SSPN: variants seen among roughly 807,000 people sequenced by gnomAD.
The protein encoded by SSPN is K-ras oncogene-associated protein.
Under a neutral mutation model 19.1 loss-of-function variants are expected in SSPN, and 15 were observed. The ratio of observed to expected loss-of-function variants is 0.78; its 90% confidence interval spans 0.52 to 1.21. The LOEUF is 1.21. Ranked by LOEUF, SSPN falls within the 50% of genes most tolerant of loss-of-function variation. The probability of loss-of-function intolerance (pLI) is 0.00; values close to 1 mark genes in which losing one functional copy is unlikely to be tolerated. For missense variants in SSPN, 291 were observed against 314.0 expected, an observed-to-expected ratio of 0.93 and a Z score of 0.55; for synonymous variants, 147 against 140.3, an observed-to-expected ratio of 1.05 and a Z score of -0.34.
intron 1 of SSPN, among the ~76,000 whole-genome samples, chr12:26,198,077 C>T (rs1165600651): frequency 6.7e-6 from 1 of 148,834 alleles, no homozygotes; most frequent in Non-Finnish European, 1.5e-5. Flanking sequence ...GAAAAGATAA[C>T]GAGGCAGATG....
At chr12:26,199,841 A>C (rs190567958) in intron 1 of SSPN, among the ~76,000 whole-genome samples, 1 of 152,214 alleles carries the variant, frequency 6.6e-6, no homozygotes, top group Non-Finnish European at 1.5e-5. Context: ...TGAATCAACT[A>C]CCTGGAGGAG....
intron 1 of SSPN, chr12:26,123,705 A>G: frequency 6.2e-7 from 1 of 1,614,078 alleles, no homozygotes; most frequent in Non-Finnish European, 8.5e-7. Context: ...TTCAAAGTTA[A>G]TTCCAAGACT....
intron 1 of SSPN, chr12:26,122,876 G>C (rs371836958): frequency 2.6e-6 from 4 of 1,556,882 alleles, no homozygotes; most frequent in African/African-American, 1.4e-5. Context: ...AGTAGGCGAG[G>C]GGCTCCAGCT....
At chr12:26,122,779 C>T in intron 1 of SSPN, 1 of 1,586,286 alleles carries the variant, frequency 6.3e-7, no homozygotes, top group Non-Finnish European at 8.5e-7. Flanking sequence ...CGGGCCTCGG[C>T]TTCGCCGCCG....
intron 1 of SSPN, among the ~76,000 whole-genome samples, chr12:26,158,235 T>G (rs1198025110): frequency 6.6e-6 from 1 of 152,196 alleles, no homozygotes; most frequent in African/African-American, 2.4e-5. Flanking sequence ...TCCTTCCTTC[T>G]TTCTTTCTTT....
rs140638490 is a variant in SSPN, at chr12:26,196,029, C to T, written c.279+78C>T. ...GTCGCATGGTCGAGTTGAGACTAAC[C>T]CAGCTGCATGTGCCCTTCCCCGGGT... On this transcript the variant is annotated intron_variant, in intron 1 of 2. Transcript: ENST00000242729. 3.3e-5 allele frequency: 39 copies of T among 1,192,572 alleles called. No homozygotes were observed. The East Asian group carries it at 6.6e-4, about 20-fold the overall frequency. 73.9% of individuals were successfully genotyped at this position (1,192,572 alleles called of 1,614,324 possible). A position where few individuals can be genotyped will look rare whatever the true frequency, so the allele number is the denominator to read the frequency against.
chr12:26,155,982 A>G (rs530295859), intron 1 of SSPN, among the ~76,000 whole-genome samples: 1 of 152,342 alleles, frequency 6.6e-6, no homozygotes, highest in African/African-American at 2.4e-5. Context: ...AGGGCTGAGA[A>G]AAGATGATGA....
chr12:26,153,355 T>C (rs1049788731), intron 1 of SSPN, among the ~76,000 whole-genome samples: 1 of 152,198 alleles, frequency 6.6e-6, no homozygotes, highest in Non-Finnish European at 1.5e-5. Context: ...GAAGTATTAT[T>C]ATAATCTTCA....
At chr12:26,212,605 A>T (rs1210871917) in intron 1 of SSPN, among the ~76,000 whole-genome samples, 1 of 152,034 alleles carries the variant, frequency 6.6e-6, no homozygotes, top group African/African-American at 2.4e-5. Context: ...CATAAATAGG[A>T]TTTCTACACT....
chr12:26,137,437 C>T (rs1219113776), intron 1 of SSPN, among the ~76,000 whole-genome samples: 2 of 151,790 alleles, frequency 1.3e-5, no homozygotes, highest in East Asian at 1.9e-4. Context: ...TTAAGCTTTA[C>T]GAATACCTGT....
intron 1 of SSPN, among the ~76,000 whole-genome samples, chr12:26,201,599 CT>C (rs563999865): frequency 1.1e-4 from 16 of 148,954 alleles, no homozygotes; most frequent in African/African-American, 4.1e-4. Context: ...CCTAAATCTT[CT>C]TTTTTAAAAA....
chr12:26,174,507 T>TCCTTCCCTTC (rs1555177717), intron 1 of SSPN, among the ~76,000 whole-genome samples: 15 of 116,822 alleles, frequency 1.3e-4, no homozygotes, highest in African/African-American at 4.9e-4. Context: ...TTCCTTCCCT[T>TCCTTCCCTTC]CCTTCCTTCC....
chr12:26,131,629 A>G lies in SSPN; in HGVS notation c.-31+9477A>G, dbSNP rs149592559. Among the ~76,000 whole-genome samples, 19 of 152,362 alleles carry G rather than the reference A, an allele frequency of 1.2e-4. 1 individual carries two copies. The East Asian group carries it at 3.7e-3, about 29-fold the overall frequency. On this transcript the variant is annotated intron_variant, in intron 1 of 2. Coordinates refer to the SSPN transcript ENST00000538142. ...GGTTCTGGAATAAATGAGGGAGGAA[A>G]GAAGAGGTAAGTGAGTGCAGTGCAA...
chr12:26,138,904 A>G (rs1372008033), intron 1 of SSPN, among the ~76,000 whole-genome samples: 1 of 152,200 alleles, frequency 6.6e-6, no homozygotes, highest in Admixed American at 6.5e-5. Context: ...AACAGTGATC[A>G]TGAATTTGCT....
chr12:26,174,811 G>A (rs942747549), intron 1 of SSPN, among the ~76,000 whole-genome samples: 5 of 152,090 alleles, frequency 3.3e-5, no homozygotes, highest in African/African-American at 7.2e-5. Context: ...GTGAGCCACC[G>A]TGCCCGGCCT....
intron 1 of SSPN, among the ~76,000 whole-genome samples, chr12:26,209,922 A>G (rs1944967328): frequency 6.6e-6 from 1 of 151,788 alleles, no homozygotes. Flanking sequence ...ATCTTCCAAG[A>G]GGCTTTATGT....
At chr12:26,157,897 C>T (rs1287148407) in intron 1 of SSPN, among the ~76,000 whole-genome samples, 1 of 152,104 alleles carries the variant, frequency 6.6e-6, no homozygotes, top group East Asian at 1.9e-4. Flanking sequence ...CTCCTTTTAA[C>T]ATTTTATTTA....
At chr12:26,135,488 G>A (rs1180511350) in intron 1 of SSPN, among the ~76,000 whole-genome samples, 1 of 152,130 alleles carries the variant, frequency 6.6e-6, no homozygotes, top group Non-Finnish European at 1.5e-5. Flanking sequence ...GATGCAGGAG[G>A]CAGGAACCAG....
Position 26,232,687 on chromosome 12 carries a change from C to A in SSPN, c.*1611C>A. ...TCCAGTATAAAGGAAAGCGTTAAGTCGGTAAGCTAGAGGATTGTAAATATC... is the reference window on the plus strand; with the variant it reads ...TCCAGTATAAAGGAAAGCGTTAAGTAGGTAAGCTAGAGGATTGTAAATATC... On this transcript the variant is annotated 3_prime_UTR_variant, in exon 3 of 3. Coordinates refer to ENST00000242729, the MANE Select transcript of SSPN (RefSeq NM_005086.5). 1 of 984,960 alleles carries A rather than the reference C, an allele frequency of 1.0e-6. No homozygotes were observed. The highest frequency in any genetic ancestry group is 4.7e-5 in the South Asian group (1 of 21,266). 61.0% of individuals were successfully genotyped at this position (984,960 alleles called of 1,614,324 possible). A position where few individuals can be genotyped will look rare whatever the true frequency, so the allele number is the denominator to read the frequency against.
Sources: allele counts gnomAD v4.1 joint callset (sites outside exome capture counted in the v4.1 genomes callset), GRCh38; gene constraint gnomAD v4.1.1; transcripts MANE v1.5; gene names NCBI Gene and HGNC (gene_info 2026-07-23, HGNC 2026-07-21).